RILPL1: variants seen among roughly 807,000 people sequenced by gnomAD.
RILPL1 encodes the protein Rab interacting lysosomal protein like 1, also known as RILP-like protein 1.
A neutral mutation model predicts 50.3 loss-of-function variants in RILPL1; 33 were observed. The ratio of observed to expected loss-of-function variants is 0.66; its 90% confidence interval spans 0.50 to 0.88. RILPL1 has a LOEUF of 0.88. Among genes scored for constraint, RILPL1 ranks in the 40% least tolerant of loss-of-function variants. The pLI is 0.00. For synonymous variants in RILPL1, 205 were observed against 228.6 expected (o/e 0.90, Z 0.93); for missense variants, 418 against 542.5 (o/e 0.77, Z 2.28).
intron 2 of RILPL1, among the ~76,000 whole-genome samples, chr12:123,506,316 C>A (rs1883749359): frequency 6.6e-6 from 1 of 152,184 alleles, no homozygotes; most frequent in Admixed American, 6.5e-5. Context: ...GTGATGCACG[C>A]ATGAGCTAAA....
Position 123,507,564 on chromosome 12 carries a change from C to CAAAA in RILPL1, c.461-8032_461-8029dup, listed in dbSNP as rs34340975. Among the ~76,000 whole-genome samples, 38 of 134,634 alleles carry CAAAA rather than the reference C, an allele frequency of 2.8e-4. 1 individual carries two copies. Among genetic ancestry groups the CAAAA allele is most frequent in the African/African-American group, 8.5e-4 (31 of 36,612 alleles). The allele number at this position is 134,634 out of a possible 152,430, so 88.3% of individuals were successfully genotyped here. A position where few individuals can be genotyped will look rare whatever the true frequency, so the allele number is the denominator to read the frequency against. On this transcript the variant is annotated intron_variant, in intron 2 of 6. Coordinates refer to ENST00000376874, the MANE Select transcript of RILPL1 (RefSeq NM_178314.5). ...GGGTTGACAGAATGAGATACTGTCT[C>CAAAA]AAAAAAAAAAAAAAGATGTATGTGT... is the stretch of plus-strand genomic sequence containing the variant.
chr12:123,528,240 G>A (rs1195176954), intron 1 of RILPL1, among the ~76,000 whole-genome samples: 2 of 151,568 alleles, frequency 1.3e-5, no homozygotes, highest in African/African-American at 2.4e-5. Flanking sequence ...CATGCCTGCA[G>A]TTGAGCTACT....
chr12:123,493,110 T>C (rs1242933617), intron 4 of RILPL1, among the ~76,000 whole-genome samples: 20 of 149,702 alleles, frequency 1.3e-4, no homozygotes, highest in African/African-American at 3.9e-4. Flanking sequence ...GTCTCCTGCC[T>C]GTCCCTGGGC....
In RILPL1 at chr12:123,498,179, A is replaced by G. The variant is rs893907071; in HGVS notation, c.801+365T>C. Among the ~76,000 whole-genome samples, 11 of 151,870 alleles carry G rather than the reference A, an allele frequency of 7.2e-5. No homozygotes were observed. Among genetic ancestry groups the G allele is most frequent in the Non-Finnish European group, 1.5e-4 (10 of 67,950 alleles). On this transcript the variant is annotated intron_variant, in intron 4 of 6. Transcript: ENST00000376874. This position sits in a 1 kb window ranked among gnomAD's most constrained non-coding sequence, Gnocchi z 4.3. ...CTCAGCTGTGTGTCCTCAGGCCAGT[A>G]GCTTGTTCTCTCTGAGCCTCTCGTT...
intron 6 of RILPL1, among the ~76,000 whole-genome samples, chr12:123,483,735 A>T (rs537054130): frequency 3.9e-5 from 6 of 152,224 alleles, no homozygotes; most frequent in African/African-American, 1.2e-4. Context: ...TGCTTAATGG[A>T]CAGAGGGCTA....
intron 1 of RILPL1, among the ~76,000 whole-genome samples, chr12:123,530,619 G>C (rs1436159466): frequency 6.6e-6 from 1 of 152,230 alleles, no homozygotes; most frequent in African/African-American, 2.4e-5. Flanking sequence ...GCACACAGTA[G>C]GTTCTCAGTA....
At chr12:123,503,107 C>T (rs1351157393) in intron 2 of RILPL1, among the ~76,000 whole-genome samples, 2 of 149,620 alleles carry the variant, frequency 1.3e-5, no homozygotes, top group Admixed American at 6.7e-5. Context: ...AGGATGGTCT[C>T]GATCTCCTGA....
intron 1 of RILPL1, among the ~76,000 whole-genome samples, chr12:123,528,568 C>T (rs1272098331): frequency 6.6e-6 from 1 of 151,664 alleles, no homozygotes; most frequent in Non-Finnish European, 1.5e-5. Flanking sequence ...GCTGGGACCA[C>T]AGGCGCCCGC....
chr12:123,512,557 G>GT (rs1214124248), intron 2 of RILPL1, among the ~76,000 whole-genome samples: 3 of 146,950 alleles, frequency 2.0e-5, no homozygotes, highest in African/African-American at 7.6e-5. Flanking sequence ...TGGTGTGTGT[G>GT]TGAGGTCTGT....
chr12:123,532,354 G>A (rs140620976), intron 1 of RILPL1, among the ~76,000 whole-genome samples: 1 of 152,110 alleles, frequency 6.6e-6, no homozygotes, highest in Admixed American at 6.6e-5. Context: ...CTGATTCAGA[G>A]AGACTCCTGA....
intron 4 of RILPL1, among the ~76,000 whole-genome samples, chr12:123,488,368 G>A (rs191350956): frequency 0.014 from 2,137 of 151,114 alleles, 18 homozygotes; most frequent in Admixed American, 0.021. Context: ...CTGAGCCCAG[G>A]AAGTGGAGGC....
chr12:123,476,970 A>G (rs555249531), intron 6 of RILPL1, among the ~76,000 whole-genome samples: 4 of 152,308 alleles, frequency 2.6e-5, no homozygotes, highest in African/African-American at 7.2e-5. Context: ...GTCCTCCCCA[A>G]CTGCGATGAG....
chr12:123,499,557 G>A (rs766041056), intron 2 of RILPL1, 21 bp from the exon 3 acceptor site: 8 of 1,565,276 alleles, frequency 5.1e-6, no homozygotes, highest in South Asian at 3.3e-5. Flanking sequence ...AAGTGAGACC[G>A]GCAGGTGAGC....
chr12:123,510,340 C>T (rs1161906840), intron 2 of RILPL1, among the ~76,000 whole-genome samples: 3 of 151,882 alleles, frequency 2.0e-5, no homozygotes, highest in African/African-American at 4.8e-5. Context: ...CCCAGAAAGG[C>T]GACCCTTGGG....
intron 6 of RILPL1, chr12:123,475,769 A>C: frequency 6.7e-7 from 1 of 1,490,980 alleles, no homozygotes; most frequent in Non-Finnish European, 9.2e-7. Flanking sequence ...AGAAGTACAG[A>C]TAGACACAGA....
At position 123,489,892 on chromosome 12, in the gene RILPL1, ACT is replaced by A. The variant is rs1882578879; in HGVS notation, c.802-4089_802-4088del. Among the ~76,000 whole-genome samples, 1 of 152,048 alleles carries A rather than the reference ACT, an allele frequency of 6.6e-6. No individual in the cohort carries two copies. Among genetic ancestry groups the A allele is most frequent in the East Asian group, 1.9e-4 (1 of 5,190 alleles). On this transcript the variant is annotated intron_variant, in intron 4 of 6. Transcript: ENST00000376874. The surrounding 1 kb of genome is among the most constrained non-coding windows in gnomAD (Gnocchi z 4.0). ...TGTTTGGCCTTCACTGTGTTCTAAA[ACT>A]CTGTTGAATTAGCTGCGAACTCTTT...
rs548121119 is a variant in RILPL1 at position 123,496,105 on chromosome 12, C to T, written c.801+2439G>A. ...TCAGTTCACCACAACCTCCACGTCCCGGGTTCAAGCAATTCTCCTGTCCCA... is the reference window on the plus strand; with the variant it reads ...TCAGTTCACCACAACCTCCACGTCCTGGGTTCAAGCAATTCTCCTGTCCCA... On this transcript the variant is annotated intron_variant, in intron 4 of 6. Coordinates refer to ENST00000376874, the MANE Select transcript of RILPL1 (RefSeq NM_178314.5). Among the ~76,000 whole-genome samples the T allele has an allele frequency of 1.2e-4, 18 of 151,984 alleles. No homozygotes were observed. In the East Asian group the frequency reaches 1.5e-3, roughly 13 times the overall value.
chr12:123,520,128 G>C (rs1884942999), intron 2 of RILPL1, among the ~76,000 whole-genome samples: 1 of 152,212 alleles, frequency 6.6e-6, no homozygotes, highest in Admixed American at 6.5e-5. Context: ...CCACACAAAA[G>C]CTTGAGCACG....
At chr12:123,511,575 TC>T (rs1884211510) in intron 2 of RILPL1, among the ~76,000 whole-genome samples, 1 of 138,604 alleles carries the variant, frequency 7.2e-6, no homozygotes, top group Non-Finnish European at 1.6e-5. Context: ...ATGTGTGAGG[TC>T]TGTGGGTGGT....
Sources: gnomAD v4.1 joint callset for allele counts (sites outside exome capture counted in the v4.1 genomes callset) on GRCh38, gnomAD v4.1.1 for gene constraint, Gnocchi (gnomAD v3.1) non-coding constraint, MANE v1.5 for transcripts, NCBI Gene and HGNC (gene_info 2026-07-23, HGNC 2026-07-21) for gene names.